GRIP2: variants seen among roughly 807,000 people sequenced by gnomAD.
The protein encoded by GRIP2 is glutamate receptor-interacting protein 2.
In GRIP2, 58 loss-of-function variants were observed where a neutral mutation model predicts 108.3. The ratio of observed to expected loss-of-function variants is 0.54; its 90% CI spans 0.43 to 0.67. GRIP2 has a LOEUF of 0.67. GRIP2 is among the 30% of genes least tolerant of loss of function. The pLI is 0.00. For missense variants in GRIP2, 1,278 were observed against 1,430.6 expected (o/e 0.89, Z 1.72); for synonymous variants, 586 against 598.2 (o/e 0.98, Z 0.30).
intron 22 of GRIP2, among the ~76,000 whole-genome samples, chr3:14,495,696 C>A (rs1038372696): frequency 1.3e-5 from 2 of 152,046 alleles, no homozygotes. Context: ...TGAGCCACCG[C>A]GACCAGCTCG....
At chr3:14,531,907 G>C (rs996004308) in intron 1 of GRIP2, among the ~76,000 whole-genome samples, 19 of 152,212 alleles carry the variant, frequency 1.2e-4, no homozygotes, top group Admixed American at 7.2e-4. Context: ...TGGGCTCCCT[G>C]CGCTGCCTCA....
the GRIP2 span, chr3:14,574,342 G>A: frequency 6.0e-6 from 6 of 999,406 alleles, no homozygotes; most frequent in Admixed American, 8.9e-5. Context: ...TTGCGCACCG[G>A]CACAGCGATG....
intron 1 of GRIP2, among the ~76,000 whole-genome samples, chr3:14,529,892 G>T (rs772134956): frequency 6.6e-6 from 1 of 152,144 alleles, no homozygotes; most frequent in Non-Finnish European, 1.5e-5. Context: ...GGTCCAGAGA[G>T]AATTTTCCAT....
At chr3:14,540,444 G>C, upstream of GRIP2, 1 of 1,567,992 alleles carries the variant, frequency 6.4e-7, no homozygotes, top group Non-Finnish European at 8.6e-7. The surrounding 1 kb of genome is among the most constrained non-coding windows in gnomAD (Gnocchi z 4.1). Flanking sequence ...TCCACCCACT[G>C]CAGCGGGCGG....
the GRIP2 span, among the ~76,000 whole-genome samples, chr3:14,602,896 C>G: frequency 1.3e-5 from 2 of 150,828 alleles, no homozygotes; most frequent in African/African-American, 4.8e-5. The surrounding 1 kb of genome is among the most constrained non-coding windows in gnomAD (Gnocchi z 4.7). Context: ...GCCGCGCGCG[C>G]GCTCACCGGC....
At chr3:14,536,664 C>T (rs1575026657) in intron 1 of GRIP2, among the ~76,000 whole-genome samples, 1 of 152,308 alleles carries the variant, frequency 6.6e-6, no homozygotes, top group Non-Finnish European at 1.5e-5. Context: ...CATGGGAGAG[C>T]GGGGGCGCAG....
intron 13 of GRIP2, among the ~76,000 whole-genome samples, chr3:14,513,403 G>A (rs1452347164): frequency 6.6e-6 from 1 of 152,168 alleles, no homozygotes; most frequent in African/African-American, 2.4e-5. Context: ...CCTAACCCAT[G>A]CTGAGAAGGA....
chr3:14,598,559 G>T, the GRIP2 span, among the ~76,000 whole-genome samples: 1 of 151,984 alleles, frequency 6.6e-6, no homozygotes, highest in Non-Finnish European at 1.5e-5. Context: ...TGCCTGGGAT[G>T]CCACTCCCTA....
At chr3:14,495,648 A>G (rs1265892400) in intron 22 of GRIP2, among the ~76,000 whole-genome samples, 2 of 151,964 alleles carry the variant, frequency 1.3e-5, no homozygotes, top group African/African-American at 4.8e-5. Context: ...CTCGTGATCC[A>G]CCCACCTCAG....
At chr3:14,576,327 T>TA in the GRIP2 span, among the ~76,000 whole-genome samples, 1 of 152,208 alleles carries the variant, frequency 6.6e-6, no homozygotes, top group Non-Finnish European at 1.5e-5. Flanking sequence ...GTGAGTCCCA[T>TA]TCTACAGATG....
the GRIP2 span, among the ~76,000 whole-genome samples, chr3:14,571,004 G>A: frequency 6.6e-6 from 1 of 152,184 alleles, no homozygotes; most frequent in Non-Finnish European, 1.5e-5. Flanking sequence ...ACTGCAGGGT[G>A]TTGGCAGCAT....
Position 14,520,284 on chromosome 3 carries a change from C to G in GRIP2, c.861-5G>C. 1 of 1,612,820 alleles carries G rather than the reference C, an allele frequency of 6.2e-7. No individual in the cohort carries two copies. The highest frequency in any genetic ancestry group is 8.5e-7 in the Non-Finnish European group (1 of 1,179,138). On this transcript the variant is annotated splice_polypyrimidine_tract_variant and splice_region_variant and intron_variant, in intron 8 of 23. Transcript: ENST00000621039. ...CCAGGGTGCAGGGCTCCGCTCCTGGCCAGGCAGGGGAGTGAAGGCGGAGGC... is the reference window on the plus strand; with the variant it reads ...CCAGGGTGCAGGGCTCCGCTCCTGGGCAGGCAGGGGAGTGAAGGCGGAGGC...
intron 1 of GRIP2, among the ~76,000 whole-genome samples, chr3:14,526,818 G>A (rs1157864667): frequency 6.6e-6 from 1 of 152,154 alleles, no homozygotes; most frequent in Non-Finnish European, 1.5e-5. Context: ...CAAACATAAA[G>A]AAGGTAGAAC....
chr3:14,496,099 C>G (rs199643383), intron 22 of GRIP2, among the ~76,000 whole-genome samples: 3 of 152,046 alleles, frequency 2.0e-5, no homozygotes, highest in Non-Finnish European at 2.9e-5. Flanking sequence ...GAGCCATGAT[C>G]GAGCAACTGC....
the GRIP2 span, among the ~76,000 whole-genome samples, chr3:14,601,731 C>G: frequency 1.3e-5 from 2 of 152,202 alleles, no homozygotes; most frequent in African/African-American, 4.8e-5. Context: ...GGGCAGGGAC[C>G]AGCTCTCTCC....
chr3:14,600,367 C>T, the GRIP2 span, among the ~76,000 whole-genome samples: 1 of 152,196 alleles, frequency 6.6e-6, no homozygotes, highest in Non-Finnish European at 1.5e-5. Context: ...CGCGAGGCTG[C>T]CCCTCCAACT....
At chr3:14,528,121 C>T (rs1289824643) in intron 1 of GRIP2, among the ~76,000 whole-genome samples, 5 of 152,202 alleles carry the variant, frequency 3.3e-5, no homozygotes, top group Non-Finnish European at 7.3e-5. Flanking sequence ...TCTCTATCAT[C>T]TTGTCTTCTC....
chr3:14,537,632 C>T (rs1206723291), intron 1 of GRIP2, among the ~76,000 whole-genome samples: 2 of 152,240 alleles, frequency 1.3e-5, no homozygotes, highest in East Asian at 1.9e-4. Flanking sequence ...AGGACGCAAA[C>T]TCAGGCGAAG....
the GRIP2 span, among the ~76,000 whole-genome samples, chr3:14,585,088 G>C: frequency 6.6e-6 from 1 of 152,150 alleles, no homozygotes. Context: ...GCAGTGGCAC[G>C]ATCTCAGCTC....
Sources: allele counts gnomAD v4.1 joint callset (sites outside exome capture counted in the v4.1 genomes callset), GRCh38; gene constraint gnomAD v4.1.1; non-coding constraint Gnocchi (gnomAD v3.1); transcripts MANE v1.5; gene names NCBI Gene and HGNC (gene_info 2026-07-23, HGNC 2026-07-21).